The following CNTN5 variants were observed in gnomAD, a reference collection of about 807,000 sequenced individuals.
CNTN5 encodes contactin-5.
Under a neutral mutation model 129.1 loss-of-function variants are expected in CNTN5, and 77 were observed. The ratio of observed to expected loss-of-function variants is 0.60; its 90% confidence interval spans 0.50 to 0.72. The LOEUF is 0.72. Among genes scored for constraint, CNTN5 ranks in the 30% least tolerant of loss-of-function variants. The pLI is 0.00. For missense variants in CNTN5, 1,478 were observed against 1,328.8 expected (o/e 1.11, Z -1.75); for synonymous variants, 509 against 465.6 (o/e 1.09, Z -1.20).
At chr11:99,815,967 C>A (rs573648881) in intron 3 of CNTN5, among the ~76,000 whole-genome samples, 1 of 152,028 alleles carries the variant, frequency 6.6e-6, no homozygotes, top group African/African-American at 2.4e-5. Flanking sequence ...GGTTAGAGTC[C>A]GTGGTCCATA....
At chr11:100,024,857 A>T (rs981582646) in intron 9 of CNTN5, among the ~76,000 whole-genome samples, 1 of 152,200 alleles carries the variant, frequency 6.6e-6, no homozygotes, top group Non-Finnish European at 1.5e-5. Context: ...GCCTTCACAA[A>T]TAGATGGTTT....
intron 13 of CNTN5, among the ~76,000 whole-genome samples, chr11:100,132,586 A>G (rs1238884590): frequency 6.6e-6 from 1 of 152,150 alleles, no homozygotes; most frequent in Non-Finnish European, 1.5e-5. Flanking sequence ...CATTATGCAC[A>G]TTGTTGAAAT....
At chr11:99,787,681 A>T (rs1945584040) in intron 3 of CNTN5, among the ~76,000 whole-genome samples, 1 of 152,074 alleles carries the variant, frequency 6.6e-6, no homozygotes, top group Non-Finnish European at 1.5e-5. Context: ...ATATGTTACC[A>T]GATATGAGTC....
intron 21 of CNTN5, among the ~76,000 whole-genome samples, chr11:100,335,907 C>CA (rs1341138845): frequency 6.6e-6 from 1 of 151,600 alleles, no homozygotes; most frequent in African/African-American, 2.4e-5. Context: ...ATTTGAGAGA[C>CA]AAAAATCAGA....
At chr11:99,651,996 A>C (rs1308608904) in intron 3 of CNTN5, among the ~76,000 whole-genome samples, 1 of 152,082 alleles carries the variant, frequency 6.6e-6, no homozygotes, top group Non-Finnish European at 1.5e-5. Context: ...CAGCACAAAC[A>C]CCACAAATGC....
chr11:100,276,878 C>A (rs2138803395), intron 18 of CNTN5, among the ~76,000 whole-genome samples: 1 of 151,968 alleles, frequency 6.6e-6, no homozygotes, highest in African/African-American at 2.4e-5. Flanking sequence ...CTATAGTCAC[C>A]CTGTTATGCT....
intron 3 of CNTN5, among the ~76,000 whole-genome samples, chr11:99,789,007 T>A (rs1945639776): frequency 6.6e-6 from 1 of 151,804 alleles, no homozygotes; most frequent in African/African-American, 2.4e-5. Flanking sequence ...AAAATTATAT[T>A]GTAAAAATCT....
Position 100,299,153 on chromosome 11 carries a change from C to T in CNTN5, c.2386-9C>T. ...TTTGCTGATAATTAATTATATTTTTCTTCTTTAGCCAGTATCTGAAGAGTT... is the reference window on the plus strand; with the variant it reads ...TTTGCTGATAATTAATTATATTTTTTTTCTTTAGCCAGTATCTGAAGAGTT... On this transcript the variant is annotated splice_polypyrimidine_tract_variant and intron_variant, in intron 19 of 24. Coordinates refer to ENST00000524871, the MANE Select transcript of CNTN5 (RefSeq NM_014361.4). 2.7e-6 allele frequency: 4 copies of T among 1,506,778 alleles called. No homozygotes were observed. The highest frequency in any genetic ancestry group is 2.5e-5 in the South Asian group (2 of 78,572). 93.3% of individuals were successfully genotyped at this position (1,506,778 alleles called of 1,614,324 possible). A position where few individuals can be genotyped will look rare whatever the true frequency, so the allele number is the denominator to read the frequency against.
chr11:99,146,907 G>T (rs749503350), intron 1 of CNTN5, among the ~76,000 whole-genome samples: 5 of 151,828 alleles, frequency 3.3e-5, no homozygotes, highest in Non-Finnish European at 7.4e-5. Flanking sequence ...CTTTTTGTAG[G>T]GATGGGTTTT....
At chr11:99,228,465 A>G (rs1176611394) in intron 1 of CNTN5, among the ~76,000 whole-genome samples, 7 of 152,266 alleles carry the variant, frequency 4.6e-5, no homozygotes, top group Admixed American at 4.6e-4. Flanking sequence ...ATATTTAAAA[A>G]TAGCTGGAAG....
At chr11:99,572,180 T>G (rs544546770) in intron 3 of CNTN5, among the ~76,000 whole-genome samples, 1 of 152,332 alleles carries the variant, frequency 6.6e-6, no homozygotes, top group Admixed American at 6.5e-5. Context: ...TGTTCAATCC[T>G]TTGGCTTCCA....
intron 1 of CNTN5, among the ~76,000 whole-genome samples, chr11:99,085,202 G>A (rs900633807): frequency 2.0e-5 from 3 of 151,734 alleles, no homozygotes; most frequent in South Asian, 2.1e-4. Context: ...GTACCCCCAC[G>A]CCCAGCTAAT....
At chr11:99,478,729 A>C (rs2656153) in intron 2 of CNTN5, among the ~76,000 whole-genome samples, 33,647 of 152,108 alleles carry the variant, frequency 0.22, 3,992 homozygotes, top group Middle Eastern at 0.34. Flanking sequence ...AAAATTCAAA[A>C]TCATTACTAA....
intron 1 of CNTN5, among the ~76,000 whole-genome samples, chr11:99,151,583 T>C (rs1016503780): frequency 1.3e-5 from 2 of 152,168 alleles, no homozygotes; most frequent in Non-Finnish European, 2.9e-5. Flanking sequence ...GAAGAAAATG[T>C]ATATCAAGAA....
At chr11:99,354,985 C>T (rs1938542552) in intron 2 of CNTN5, among the ~76,000 whole-genome samples, 1 of 152,120 alleles carries the variant, frequency 6.6e-6, no homozygotes, top group Non-Finnish European at 1.5e-5. Context: ...TCCTTAAATA[C>T]ACTTATCTCA....
intron 2 of CNTN5, among the ~76,000 whole-genome samples, chr11:99,394,111 G>A (rs779589631): frequency 2.0e-5 from 3 of 151,652 alleles, no homozygotes; most frequent in Admixed American, 6.6e-5. Context: ...AATGATGGGT[G>A]TAAGTGGATA....
At chr11:99,724,671 G>C (rs1168576619) in intron 3 of CNTN5, among the ~76,000 whole-genome samples, 1 of 152,108 alleles carries the variant, frequency 6.6e-6, no homozygotes, top group African/African-American at 2.4e-5. Context: ...CAGAGGACTT[G>C]ACTAAGAGAT....
At chr11:100,285,266 T>G (rs1950750536) in intron 18 of CNTN5, among the ~76,000 whole-genome samples, 1 of 152,218 alleles carries the variant, frequency 6.6e-6, no homozygotes, top group Non-Finnish European at 1.5e-5. Context: ...GTTGATACAG[T>G]AAGAACCCTA....
chr11:99,366,226 C>T (rs969591392), intron 2 of CNTN5, among the ~76,000 whole-genome samples: 1 of 152,016 alleles, frequency 6.6e-6, no homozygotes, highest in Admixed American at 6.6e-5. Flanking sequence ...AGTGAGTGGC[C>T]GGAATTATAA....
Sources: gnomAD v4.1 joint callset for allele counts (sites outside exome capture counted in the v4.1 genomes callset) on GRCh38, gnomAD v4.1.1 for gene constraint, MANE v1.5 for transcripts, NCBI Gene and HGNC (gene_info 2026-07-23, HGNC 2026-07-21) for gene names.